Variants in RP1 observed in about 807,000 individuals in gnomAD.
RP1 encodes oxygen-regulated protein 1.
Under a neutral mutation model 14.8 loss-of-function variants are expected in RP1, and 16 were observed. The ratio of observed to expected loss-of-function variants is 1.08; its 90% CI spans 0.73 to 1.65. RP1 has a LOEUF of 1.65. Ranked by LOEUF, RP1 falls within the 40% of genes most tolerant of loss-of-function variation. The pLI, the probability that RP1 is intolerant of heterozygous loss-of-function variation, is 0.00. For missense variants in RP1, 2,631 were observed against 2,535.0 expected (o/e 1.04, Z -0.81); for synonymous variants, 876 against 883.6 (o/e 0.99, Z 0.15).
chr8:54,692,204 T>G (rs1214781475), intron 12 of RP1, among the ~76,000 whole-genome samples: 1 of 151,552 alleles, frequency 6.6e-6, no homozygotes, highest in Non-Finnish European at 1.5e-5. Context: ...ATTTTCTTAA[T>G]CCAGTCTATC....
In RP1 at chr8:54,829,185, G is replaced by T. The variant is rs115980232; in HGVS notation, c.3616-8265G>T. Reference sequence around the variant, plus strand: ...GCAGTCCATCATTGACCCAAATGTTGTTATGCAGTGCATGACTATATATAA... The same window carrying T: ...GCAGTCCATCATTGACCCAAATGTTTTTATGCAGTGCATGACTATATATAA... On this transcript the variant is annotated intron_variant, in intron 24 of 28. Coordinates refer to the RP1 transcript ENST00000637698. Among the ~76,000 whole-genome samples the T allele has an allele frequency of 4.8e-3, 732 of 152,190 alleles. 7 individuals are homozygous for T. The highest frequency in any genetic ancestry group is 0.017 in the African/African-American group (691 of 41,528).
chr8:54,673,664 C>T (rs565122527), intron 7 of RP1, among the ~76,000 whole-genome samples: 7 of 152,124 alleles, frequency 4.6e-5, no homozygotes, highest in South Asian at 2.1e-4. Flanking sequence ...CATTTGAGCC[C>T]GGGAGGCAGA....
rs568598591 is a variant in RP1, at chr8:54,590,902, T to C, written c.-12-30053T>C. On this transcript the variant is annotated intron_variant, in intron 1 of 22. Coordinates refer to the RP1 transcript ENST00000636932. The stretch of plus-strand genomic sequence containing the variant: ...TCAGCCTTCATCCACTCTCCTCTTC[T>C]CAAGCCTTCCCCGTATCAGTAAATG... 3.3e-5 allele frequency among the ~76,000 whole-genome samples: 5 copies of C among 152,302 alleles called. No individual in the cohort carries two copies. The South Asian group carries it at 1.0e-3, about 32-fold the overall frequency.
chr8:54,748,614 A>C (rs1487063506), intron 19 of RP1, among the ~76,000 whole-genome samples: 1 of 152,260 alleles, frequency 6.6e-6, no homozygotes, highest in Non-Finnish European at 1.5e-5. Context: ...TTGCAAGAAC[A>C]CTTAAAATGT....
At chr8:54,595,394 G>A (rs1805120104) in intron 1 of RP1, among the ~76,000 whole-genome samples, 1 of 152,156 alleles carries the variant, frequency 6.6e-6, no homozygotes, top group Non-Finnish European at 1.5e-5. Context: ...CTCCCAAAGT[G>A]CTGGGATTAC....
At chr8:54,790,178 C>G (rs1174728020) in intron 24 of RP1, among the ~76,000 whole-genome samples, 2 of 152,196 alleles carry the variant, frequency 1.3e-5, no homozygotes, top group Non-Finnish European at 2.9e-5. Flanking sequence ...ACAGCCAGGT[C>G]AGCAGACCTA....
At chr8:54,822,403 T>C (rs1811278433) in intron 24 of RP1, among the ~76,000 whole-genome samples, 1 of 152,194 alleles carries the variant, frequency 6.6e-6, no homozygotes, top group African/African-American at 2.4e-5. Context: ...AGTTCTTTAT[T>C]ACCTGGAATA....
At chr8:54,596,719 C>G (rs763631237) in intron 1 of RP1, among the ~76,000 whole-genome samples, 27 of 152,202 alleles carry the variant, frequency 1.8e-4, no homozygotes, top group African/African-American at 5.8e-4. Flanking sequence ...TACTCCTGCT[C>G]TATGCAGCTT....
chr8:54,760,890 A>G (rs530397907), intron 22 of RP1, among the ~76,000 whole-genome samples: 29 of 152,170 alleles, frequency 1.9e-4, no homozygotes, highest in African/African-American at 6.7e-4. Context: ...TCTTCTCTCA[A>G]TGTGTACTCA....
chr8:54,716,004 T>A (rs540916208), intron 15 of RP1, among the ~76,000 whole-genome samples: 2 of 152,352 alleles, frequency 1.3e-5, no homozygotes, highest in South Asian at 4.1e-4. Context: ...TTCCTTGAGA[T>A]CTTTAATGTA....
chr8:54,670,658 A>AC (rs1807151727), intron 7 of RP1, among the ~76,000 whole-genome samples: 1 of 93,068 alleles, frequency 1.1e-5, no homozygotes, highest in South Asian at 3.4e-4. Context: ...ATTTATGAAT[A>AC]ATATATATGT....
At chr8:54,866,983 C>T (rs1411203196) in intron 28 of RP1, among the ~76,000 whole-genome samples, 1 of 152,132 alleles carries the variant, frequency 6.6e-6, no homozygotes, top group Non-Finnish European at 1.5e-5. Context: ...AGGTACTATA[C>T]CAAATCCTAG....
At chr8:54,826,794 G>T (rs1396532272) in intron 24 of RP1, among the ~76,000 whole-genome samples, 1 of 152,142 alleles carries the variant, frequency 6.6e-6, no homozygotes, top group Non-Finnish European at 1.5e-5. Context: ...GCCATGCCTT[G>T]CTTAATGATG....
intron 24 of RP1, among the ~76,000 whole-genome samples, chr8:54,821,687 A>C (rs1218983330): frequency 6.6e-6 from 1 of 152,190 alleles, no homozygotes; most frequent in Non-Finnish European, 1.5e-5. Flanking sequence ...AAAAATTAGT[A>C]TGAACTCATG....
At chr8:54,662,111 A>G (rs1806912750) in intron 6 of RP1, among the ~76,000 whole-genome samples, 1 of 152,148 alleles carries the variant, frequency 6.6e-6, no homozygotes, top group Non-Finnish European at 1.5e-5. Context: ...TGATGTCTCC[A>G]TTCTCTTTTC....
intron 1 of RP1, among the ~76,000 whole-genome samples, chr8:54,588,640 C>T (rs1357145774): frequency 6.6e-5 from 10 of 151,938 alleles, no homozygotes; most frequent in Admixed American, 3.3e-4. Context: ...AGCCTGAAGG[C>T]GCAGGCATAG....
intron 18 of RP1, among the ~76,000 whole-genome samples, chr8:54,737,907 GA>G (rs1808974190): frequency 6.6e-6 from 1 of 152,116 alleles, no homozygotes. Context: ...CTAGTCTGCA[GA>G]GGTAGATTGG....
In RP1 at chr8:54,869,262, C is replaced by T. The variant is rs1399852193; in HGVS notation, c.4152-581C>T. ...CCACAAGCCACATATGTCTACTGAA[C>T]TGTGGCTCTTCCAATGTAGGTATAA... is the stretch of plus-strand genomic sequence containing the variant. On this transcript the variant is annotated intron_variant, in intron 28 of 28. Coordinates refer to the RP1 transcript ENST00000637698. Among the ~76,000 whole-genome samples the T allele has an allele frequency of 3.3e-5, 5 of 152,248 alleles. No individual in the cohort carries two copies. The East Asian group carries it at 9.6e-4, about 29-fold the overall frequency.
chr8:54,755,672 G>T lies in RP1; in HGVS notation c.2995G>T (p.Glu999Ter). ...TGGGCAGCTGAAGCATGCAGAGACG[G>T]AGTCTGAGGTTTTCCTCTGTCTCTT... The change falls in exon 21 of 23, where the codon GAG becomes TAG. Residue 999 changes from glutamate to a stop codon, truncating the protein, a stop_gained. Coordinates refer to the RP1 transcript ENST00000636932. LOFTEE classifies it high-confidence loss of function. 1 of 1,536,028 alleles carries T rather than the reference G, an allele frequency of 6.5e-7. No homozygotes were observed. The highest frequency in any genetic ancestry group is 8.7e-7 in the Non-Finnish European group (1 of 1,146,840).
Sources: gnomAD v4.1 joint callset for allele counts (sites outside exome capture counted in the v4.1 genomes callset) on GRCh38, gnomAD v4.1.1 for gene constraint, MANE v1.5 for transcripts, NCBI Gene and HGNC (gene_info 2026-07-23, HGNC 2026-07-21) for gene names.